TERT: variants seen among roughly 807,000 people sequenced by gnomAD.
TERT encodes telomerase catalytic subunit.
A neutral mutation model predicts 104.0 loss-of-function variants in TERT; 42 were observed. The observed-to-expected ratio is 0.40, with a 90% confidence interval of 0.32 to 0.52. The LOEUF is 0.52. TERT is among the 20% of genes least tolerant of loss of function. TERT has a pLI of 0.43. For synonymous variants in TERT, 781 were observed against 725.6 expected (o/e 1.08, Z -1.23); for missense variants, 1,101 against 1,610.3 (o/e 0.68, Z 5.41).
intron 6 of TERT, among the ~76,000 whole-genome samples, chr5:1,273,851 T>C (rs537978596): frequency 2.0e-5 from 3 of 151,286 alleles, no homozygotes; most frequent in Non-Finnish European, 4.4e-5. Context: ...CACAGTCACG[T>C]GGCACAAGTG....
rs952739518 is a variant in TERT, at chr5:1,288,135, C to T, written c.1573+5178G>A. 8.6e-5 allele frequency among the ~76,000 whole-genome samples: 13 copies of T among 152,016 alleles called. No individual in the cohort carries two copies. The highest frequency in any genetic ancestry group is 1.2e-4 in the African/African-American group (5 of 41,396). ...AGTCACTGATATCAAAATGATTTCA[C>T]GTCAAAACACAGCGTGCACAAAGAA... On this transcript the variant is annotated intron_variant, in intron 2 of 15. Coordinates refer to ENST00000310581, the MANE Select transcript of TERT (RefSeq NM_198253.3). The surrounding 1 kb of genome is among the most constrained non-coding windows in gnomAD (Gnocchi z 5.3).
rs769128451 is a variant in TERT, at chr5:1,293,586, A to T, written c.1300T>A (p.Ser434Thr). Reference protein sequence around the residue: ...GVCAREKPQGSVAAPEEEDTD... With the variant: ...GVCAREKPQGTVAAPEEEDTD... Reference sequence around the variant, plus strand: ...TCCTCCTCCTCGGGGGCCGCCACAGAGCCCTGGGGCTTCTCCCGGGCACAG... The same window carrying T: ...TCCTCCTCCTCGGGGGCCGCCACAGTGCCCTGGGGCTTCTCCCGGGCACAG... Residue 434 changes from serine to threonine, a missense_variant, in exon 2 of 16, where the codon TCT (serine) becomes ACT (threonine). Ser to Thr is a moderately conservative substitution (Grantham distance 58). Coordinates refer to ENST00000310581, the MANE Select transcript of TERT (RefSeq NM_198253.3). The T allele has an allele frequency of 6.5e-7, 1 of 1,545,864 alleles. No individual in the cohort carries two copies. The highest frequency in any genetic ancestry group is 8.7e-7 in the Non-Finnish European group (1 of 1,143,566).
At chr5:1,282,297 A>C in intron 3 of TERT, 132 bp downstream of exon 3, 1 of 920,430 alleles carries the variant, frequency 1.1e-6, no homozygotes, top group Non-Finnish European at 1.8e-6. Context: ...CAGGCCTGTG[A>C]CGGGGCCCCT....
In TERT at chr5:1,265,729, C is replaced by T. The variant is rs1406080600; in HGVS notation, c.2654+735G>A. On this transcript the variant is annotated intron_variant, in intron 10 of 15. Transcript: ENST00000310581. This position sits in a 1 kb window ranked among gnomAD's most constrained non-coding sequence, Gnocchi z 6.9. ...CACAGCCCAGCAAAGCACCTGAAAC[C>T]ACCCCTGGCGGCCACATTTTCTGAG... Among the ~76,000 whole-genome samples the T allele has an allele frequency of 1.3e-5, 2 of 152,124 alleles. No individual in the cohort carries two copies. Among genetic ancestry groups the T allele is most frequent in the Non-Finnish European group, 2.9e-5 (2 of 68,016 alleles).
At chr5:1,285,237 GCC>G in intron 2 of TERT, among the ~76,000 whole-genome samples, 1 of 151,274 alleles carries the variant, frequency 6.6e-6, no homozygotes, top group Non-Finnish European at 1.5e-5. Context: ...TCACAGCAGG[GCC>G]TGGCGACCTC....
intron 2 of TERT, among the ~76,000 whole-genome samples, chr5:1,290,125 C>G (rs1750787243): frequency 1.3e-5 from 1 of 78,358 alleles, no homozygotes; most frequent in South Asian, 4.4e-4. Context: ...GACAGGGACA[C>G]CCGGGGGCCG....
rs1281024064 is a variant in TERT at position 1,270,841 on chromosome 5, C to T, written c.2468+278G>A. Among the ~76,000 whole-genome samples the T allele has an allele frequency of 6.6e-6, 1 of 152,228 alleles. No homozygotes were observed. The highest frequency in any genetic ancestry group is 1.5e-5 in the Non-Finnish European group (1 of 68,044). The stretch of plus-strand genomic sequence containing the variant: ...GCACACCTGACCCAGACACACCCCC[C>T]GCCCCTCGTCCTCCACGCAGGAGCA... On this transcript the variant is annotated intron_variant, in intron 8 of 15. Transcript: ENST00000310581. This position sits in a 1 kb window ranked among gnomAD's most constrained non-coding sequence, Gnocchi z 8.3.
intron 2 of TERT, among the ~76,000 whole-genome samples, 158 bp downstream of exon 2, chr5:1,293,155 C>A (rs936557785): frequency 6.6e-6 from 1 of 152,244 alleles, no homozygotes; most frequent in Non-Finnish European, 1.5e-5. Context: ...AGAGCAGAGG[C>A]AGAGATCACC....
intron 15 of TERT, among the ~76,000 whole-genome samples, chr5:1,254,055 G>A (rs1747534850): frequency 6.6e-6 from 1 of 152,226 alleles, no homozygotes; most frequent in Non-Finnish European, 1.5e-5. Context: ...AGGACCCCAG[G>A]AGCTCAGGGC....
intron 9 of TERT, among the ~76,000 whole-genome samples, chr5:1,267,317 C>T (rs1180866663): frequency 6.6e-6 from 1 of 152,186 alleles, no homozygotes; most frequent in Non-Finnish European, 1.5e-5. Context: ...TTCAGTGATA[C>T]TATTTTCATA....
At chr5:1,280,077 G>T in intron 4 of TERT, 81 bp downstream of exon 4, 2 of 1,566,566 alleles carry the variant, frequency 1.3e-6, no homozygotes, top group East Asian at 2.2e-5. Context: ...CCTCCTCCGG[G>T]CCCTTCATCT....
chr5:1,274,141 CTG>C lies in TERT; in HGVS notation c.2287-1863_2287-1862del, dbSNP rs1201682567. On this transcript the variant is annotated intron_variant, in intron 6 of 15. Coordinates refer to ENST00000310581, the MANE Select transcript of TERT (RefSeq NM_198253.3). The surrounding 1 kb of genome is among the most constrained non-coding windows in gnomAD (Gnocchi z 5.3). ...GCATCAAAAGACGCGCACGGTGACT[CTG>C]TGCTTCAGCATGTTCCCCAGCCCCC... Among the ~76,000 whole-genome samples, 1 of 152,220 alleles carries C rather than the reference CTG, an allele frequency of 6.6e-6. No homozygotes were observed. The highest frequency in any genetic ancestry group is 6.5e-5 in the Admixed American group (1 of 15,288).
In TERT at chr5:1,294,100, C is replaced by T. The variant is rs1007316528; in HGVS notation, c.786G>A (p.Thr262=). 11 of 1,587,274 alleles carry T rather than the reference C, an allele frequency of 6.9e-6. No homozygotes were observed. In the African/African-American group the frequency reaches 8.1e-5, roughly 12 times the overall value. Residue 262 remains threonine (T), a synonymous_variant, in exon 2 of 16, where the codon ACG becomes ACA. Coordinates refer to ENST00000310581, the MANE Select transcript of TERT (RefSeq NM_198253.3). The stretch of plus-strand genomic sequence containing the variant: ...AGAAACCACGGTCACTCGGTCCACG[C>T]GTCCTGCCCGGGTGGGCCCAGGACC... ...GQGSWAHPGR[T]RGPSDRGFCV...
Position 1,256,261 on chromosome 5 carries a change from G to T in TERT, c.3033-850C>A, listed in dbSNP as rs779948002. On this transcript the variant is annotated intron_variant, in intron 13 of 15. Transcript: ENST00000310581. This position sits in a 1 kb window ranked among gnomAD's most constrained non-coding sequence, Gnocchi z 7.0. The stretch of plus-strand genomic sequence containing the variant: ...ACTCCTGGGCTCAAGGGATCCTCTC[G>T]CCTCGGCCTCCCAAAGTGCTGGGAC... 6.6e-6 allele frequency among the ~76,000 whole-genome samples: 1 copy of T among 152,052 alleles called. No homozygotes were observed. Among genetic ancestry groups the T allele is most frequent in the Non-Finnish European group, 1.5e-5 (1 of 68,016 alleles).
In TERT at chr5:1,287,068, G is replaced by C. The variant is rs1277870852; in HGVS notation, c.1574-4444C>G. 6.6e-6 allele frequency among the ~76,000 whole-genome samples: 1 copy of C among 152,170 alleles called. No homozygotes were observed. The highest frequency in any genetic ancestry group is 1.5e-5 in the Non-Finnish European group (1 of 68,036). On this transcript the variant is annotated intron_variant, in intron 2 of 15. Transcript: ENST00000310581. The surrounding 1 kb of genome is among the most constrained non-coding windows in gnomAD (Gnocchi z 4.3). Reference sequence around the variant, plus strand: ...CATGCAACAGGCAAGTGGAGAATCAGAGTGCACCAGGCGGGTCTCTAGTGA... The same window carrying C: ...CATGCAACAGGCAAGTGGAGAATCACAGTGCACCAGGCGGGTCTCTAGTGA...
intron 6 of TERT, among the ~76,000 whole-genome samples, chr5:1,275,686 G>A (rs1027378141): frequency 2.0e-5 from 3 of 152,166 alleles, no homozygotes; most frequent in African/African-American, 7.2e-5. Flanking sequence ...AAGAAAGCTC[G>A]CCTTGAACTC....
rs933216159 is a variant in TERT at position 1,273,830 on chromosome 5, C to T, written c.2287-1550G>A. Among the ~76,000 whole-genome samples, 8 of 151,920 alleles carry T rather than the reference C, an allele frequency of 5.3e-5. 1 individual carries two copies. The highest frequency in any genetic ancestry group is 1.2e-4 in the Non-Finnish European group (8 of 68,014). ...TCACCACACATCAGACCCCCGTGAC[C>T]GACTGCCATCCACAGTCACGTGGCA... is the stretch of plus-strand genomic sequence containing the variant. On this transcript the variant is annotated intron_variant, in intron 6 of 15. Coordinates refer to ENST00000310581, the MANE Select transcript of TERT (RefSeq NM_198253.3).
chr5:1,257,323 A>T lies in TERT; in HGVS notation c.3032+1275T>A, dbSNP rs755830949. Among the ~76,000 whole-genome samples the T allele has an allele frequency of 1.3e-5, 2 of 150,990 alleles. No homozygotes were observed. The highest frequency in any genetic ancestry group is 2.4e-5 in the African/African-American group (1 of 41,012). The stretch of plus-strand genomic sequence containing the variant: ...TTCCCAGGAGTTTTCACCTGGGAAA[A>T]CTCCTCTGACCTCATCATGGCCCAA... On this transcript the variant is annotated intron_variant, in intron 13 of 15. Transcript: ENST00000310581. The surrounding 1 kb of genome is among the most constrained non-coding windows in gnomAD (Gnocchi z 5.6).
rs1228960638 is a variant in TERT, at chr5:1,262,314, C to T, written c.2844-1714G>A. Among the ~76,000 whole-genome samples, 1 of 152,176 alleles carries T rather than the reference C, an allele frequency of 6.6e-6. No individual in the cohort carries two copies. The highest frequency in any genetic ancestry group is 1.5e-5 in the Non-Finnish European group (1 of 68,040). On this transcript the variant is annotated intron_variant, in intron 11 of 15. Coordinates refer to ENST00000310581, the MANE Select transcript of TERT (RefSeq NM_198253.3). The surrounding 1 kb of genome is among the most constrained non-coding windows in gnomAD (Gnocchi z 5.6). ...CTGTGCCACATACCACATTAACACACGTTTCTGAGAGATAGGGCTTCCGTT... is the reference window on the plus strand; with the variant it reads ...CTGTGCCACATACCACATTAACACATGTTTCTGAGAGATAGGGCTTCCGTT...
Sources: gnomAD v4.1 joint callset for allele counts (sites outside exome capture counted in the v4.1 genomes callset) on GRCh38, gnomAD v4.1.1 for gene constraint, Gnocchi (gnomAD v3.1) non-coding constraint, MANE v1.5 for transcripts, NCBI Gene and HGNC (gene_info 2026-07-23, HGNC 2026-07-21) for gene names.